ARHGEF6: variants seen among roughly 807,000 people sequenced by gnomAD.
ARHGEF6 encodes Rac/Cdc42 guanine nucleotide exchange factor 6.
In ARHGEF6, 9 loss-of-function variants were observed where a neutral mutation model predicts 70.3. The ratio of observed to expected loss-of-function variants is 0.13; its 90% confidence interval spans 0.08 to 0.22. ARHGEF6 has a LOEUF of 0.22. ARHGEF6 is among the 10% of genes least tolerant of loss of function. The pLI is 1.00. For missense variants in ARHGEF6, 470 were observed against 563.0 expected (o/e 0.83, Z 1.67); for synonymous variants, 201 against 207.8 (o/e 0.97, Z 0.28).
At chrX:136,680,240 T>C (rs1180320387) in intron 15 of ARHGEF6, among the ~76,000 whole-genome samples, 1 of 112,616 alleles carries the variant, frequency 8.9e-6, no homozygotes, top group African/African-American at 3.2e-5. Flanking sequence ...TCAATTCAAA[T>C]TCCAATGTCT....
intron 9 of ARHGEF6, among the ~76,000 whole-genome samples, chrX:136,694,067 T>C (rs2076485781): frequency 1.8e-5 from 2 of 108,886 alleles, no homozygotes; most frequent in Admixed American, 1.9e-4. Flanking sequence ...TTTTTTTTTT[T>C]TTTTTGAGAC....
At chrX:136,678,195 C>T (rs887110286) in intron 16 of ARHGEF6, among the ~76,000 whole-genome samples, 1 of 111,544 alleles carries the variant, frequency 9.0e-6, no homozygotes, top group African/African-American at 3.3e-5. Flanking sequence ...GAAATACATA[C>T]TATCTAGTAG....
At chrX:136,706,036 T>C (rs903047051) in intron 9 of ARHGEF6, among the ~76,000 whole-genome samples, 3 of 112,130 alleles carry the variant, frequency 2.7e-5, no homozygotes, top group Admixed American at 9.5e-5. Flanking sequence ...CAAGAGTCTC[T>C]ATATGTTGGA....
intron 2 of ARHGEF6, among the ~76,000 whole-genome samples, chrX:136,777,761 T>TACACACACACACACACACAC (rs376800070): frequency 0.014 from 1,345 of 98,460 alleles, 37 homozygotes; most frequent in African/African-American, 0.047. Context: ...TATGTATACA[T>TACACACACACACACACACAC]ACACACACAC....
chrX:136,674,970 C>A, intron 19 of ARHGEF6, 37 bp downstream of exon 19: 1 of 1,142,385 alleles, frequency 8.8e-7, no homozygotes, highest in Admixed American at 2.2e-5. Flanking sequence ...AAGGAAGAAA[C>A]GTCACTCACT....
intron 2 of ARHGEF6, among the ~76,000 whole-genome samples, chrX:136,749,484 G>A (rs1018350328): frequency 9.0e-6 from 1 of 111,455 alleles, no homozygotes; most frequent in African/African-American, 3.3e-5. Flanking sequence ...AGCAGAATAA[G>A]GCATGAGAGC....
chrX:136,701,480 T>C (rs2076570214), intron 9 of ARHGEF6, among the ~76,000 whole-genome samples: 1 of 111,074 alleles, frequency 9.0e-6, no homozygotes, highest in Non-Finnish European at 1.9e-5. Flanking sequence ...ATATTTAAAG[T>C]GTTGAAGGAA....
At chrX:136,721,976 T>C (rs1413658860) in intron 6 of ARHGEF6, among the ~76,000 whole-genome samples, 1 of 111,674 alleles carries the variant, frequency 9.0e-6, no homozygotes, top group Admixed American at 9.5e-5. Context: ...ATATGTGTGT[T>C]AATTAGCTAG....
chrX:136,741,257 G>A (rs189948779), intron 5 of ARHGEF6, among the ~76,000 whole-genome samples: 2 of 111,558 alleles, frequency 1.8e-5, no homozygotes, highest in South Asian at 3.8e-4. Flanking sequence ...AACAACATGG[G>A]TTTGAACTTT....
intron 21 of ARHGEF6, among the ~76,000 whole-genome samples, chrX:136,669,240 A>G (rs2076196969): frequency 8.9e-6 from 1 of 112,343 alleles, no homozygotes; most frequent in African/African-American, 3.2e-5. Flanking sequence ...AGAGAACAGG[A>G]AAGTTGTAAC....
At chrX:136,729,703 G>T (rs1040734697) in intron 6 of ARHGEF6, among the ~76,000 whole-genome samples, 3 of 107,613 alleles carry the variant, frequency 2.8e-5, no homozygotes, top group African/African-American at 1.0e-4. Flanking sequence ...GGTGGCGCTC[G>T]CCTGTAGTCC....
At chrX:136,706,777 T>C in intron 9 of ARHGEF6, 131 bp downstream of exon 9, 1 of 888,192 alleles carries the variant, frequency 1.1e-6, no homozygotes, top group Non-Finnish European at 1.6e-6. Flanking sequence ...TCAATCCATG[T>C]AACAATGAAT....
At chrX:136,671,114 C>A (rs2076221721) in intron 20 of ARHGEF6, among the ~76,000 whole-genome samples, 1 of 112,161 alleles carries the variant, frequency 8.9e-6, no homozygotes, top group Non-Finnish European at 1.9e-5. Flanking sequence ...AGCCTTTATA[C>A]TTATTTCACT....
At chrX:136,704,481 G>A (rs185757147) in intron 9 of ARHGEF6, among the ~76,000 whole-genome samples, 38 of 112,127 alleles carry the variant, frequency 3.4e-4, no homozygotes, top group African/African-American at 1.2e-3. Flanking sequence ...TTTTCACACT[G>A]CTATAAAGAT....
chrX:136,697,066 T>C lies in ARHGEF6; in HGVS notation c.1047-6318A>G, dbSNP rs769699301. Among the ~76,000 whole-genome samples the C allele has an allele frequency of 9.9e-5, 11 of 110,822 alleles. No individual in the cohort carries two copies. The South Asian group carries it at 1.9e-3, about 19-fold the overall frequency. ...AAGTGTAGGGTAGAGAGTTCCATGC[T>C]GGAAAAGGCAAGCTGGAAGAGGCAA... On this transcript the variant is annotated intron_variant, in intron 9 of 21. Transcript: ENST00000250617.
intron 2 of ARHGEF6, among the ~76,000 whole-genome samples, chrX:136,769,432 A>C (rs1030648456): frequency 2.7e-5 from 3 of 111,234 alleles, no homozygotes; most frequent in African/African-American, 9.8e-5. Flanking sequence ...AAAATAAATA[A>C]ATAAATAATA....
At chrX:136,745,127 C>A (rs184656802) in intron 4 of ARHGEF6, 96 bp downstream of exon 4, 12,987 of 1,105,279 alleles carry the variant, frequency 0.012, 65 homozygotes, top group Non-Finnish European at 0.014. Context: ...CCAAAACAAC[C>A]CGGATGGCTG....
chrX:136,769,281 G>A (rs973081056), intron 2 of ARHGEF6, among the ~76,000 whole-genome samples: 1 of 110,190 alleles, frequency 9.1e-6, no homozygotes, highest in Non-Finnish European at 1.9e-5. Context: ...GCATGATGGC[G>A]GGCACCTGTA....
intron 21 of ARHGEF6, among the ~76,000 whole-genome samples, chrX:136,668,555 T>C (rs1176332711): frequency 9.4e-6 from 1 of 106,913 alleles, no homozygotes; most frequent in African/African-American, 3.4e-5. Flanking sequence ...ATTATTATTA[T>C]TATTTTATTT....
Sources: gnomAD v4.1 joint callset for allele counts (sites outside exome capture counted in the v4.1 genomes callset) on GRCh38, gnomAD v4.1.1 for gene constraint, MANE v1.5 for transcripts, NCBI Gene and HGNC (gene_info 2026-07-23, HGNC 2026-07-21) for gene names.